Variants in CHD2 observed in about 807,000 individuals in gnomAD.
The protein encoded by CHD2 is chromodomain helicase DNA binding protein 2.
A neutral mutation model predicts 243.9 loss-of-function variants in CHD2; 28 were observed. The observed-to-expected ratio is 0.11, with a 90% confidence interval of 0.09 to 0.16. The LOEUF is 0.16. Ranked by LOEUF, CHD2 falls within the 10% of genes least tolerant of loss-of-function variation. The probability of loss-of-function intolerance (pLI) is 1.00; values close to 1 mark genes in which losing one functional copy is unlikely to be tolerated. For missense variants in CHD2, 1,386 were observed against 2,209.8 expected (o/e 0.63, Z 7.47); for synonymous variants, 775 against 779.0 (o/e 0.99, Z 0.09).
chr15:92,943,403 T>G (rs1308784243), intron 9 of CHD2: 1 of 289,530 alleles, frequency 3.5e-6, no homozygotes, highest in East Asian at 9.1e-5. Flanking sequence ...TGGACTCAGG[T>G]TTTGAATTCT....
intron 16 of CHD2, among the ~76,000 whole-genome samples, chr15:92,959,553 G>A (rs531528201): frequency 5.9e-5 from 9 of 152,164 alleles, no homozygotes; most frequent in East Asian, 1.9e-4. Flanking sequence ...GGGAAGTGGC[G>A]CAATCTCAGC....
Position 92,997,072 on chromosome 15 carries a change from T to A in CHD2, c.3711T>A (p.Pro1237=), listed in dbSNP as rs139131897. The A allele has an allele frequency of 6.2e-7, 1 of 1,610,146 alleles. No homozygotes were observed. Among genetic ancestry groups the A allele is most frequent in the East Asian group, 2.2e-5 (1 of 44,856 alleles). The stretch of plus-strand genomic sequence containing the variant: ...TTGAGATGCTGCATAAATCTATCCC[T>A]GTGGACCCTGAAGAAAAAAAAAAGT... ...EEFEMLHKSI[P]VDPEEKKKYC... The change falls in exon 29 of 39, where the codon CCT becomes CCA. Residue 1237 remains proline, a synonymous_variant. Coordinates refer to ENST00000394196, the MANE Select transcript of CHD2 (RefSeq NM_001271.4). This position sits in a 1 kb window ranked among gnomAD's most constrained non-coding sequence, Gnocchi z 4.1.
chr15:92,949,141 A>T (rs952698167), intron 13 of CHD2, 65 bp downstream of exon 13: 3 of 1,579,462 alleles, frequency 1.9e-6, no homozygotes, highest in Non-Finnish European at 2.6e-6. Context: ...TTAGATGTCA[A>T]GAATTTTTTT....
intron 10 of CHD2, 62 bp downstream of exon 10, chr15:92,944,577 T>G: frequency 1.2e-6 from 1 of 807,992 alleles, no homozygotes; most frequent in Non-Finnish European, 1.9e-6. Flanking sequence ...CTTTTGCTTT[T>G]GGAAGTAATG....
intron 5 of CHD2, among the ~76,000 whole-genome samples, chr15:92,937,042 A>G (rs1348965079): frequency 6.6e-6 from 1 of 151,882 alleles, no homozygotes; most frequent in Admixed American, 6.6e-5. Context: ...TTTAACTTTA[A>G]TTTTTCTGGA....
intron 13 of CHD2, among the ~76,000 whole-genome samples, chr15:92,951,413 T>A (rs2053552964): frequency 6.6e-6 from 1 of 152,042 alleles, no homozygotes. Context: ...TCAAGTGATC[T>A]GCCTGCCTTG....
intron 33 of CHD2, among the ~76,000 whole-genome samples, chr15:93,003,074 A>AT (rs1215654490): frequency 4.0e-5 from 6 of 151,856 alleles, no homozygotes; most frequent in African/African-American, 1.4e-4. Context: ...TGTTAAAGTC[A>AT]TTTTTACAGC....
intron 13 of CHD2, among the ~76,000 whole-genome samples, chr15:92,950,643 A>G (rs2053541451): frequency 6.6e-6 from 1 of 152,036 alleles, no homozygotes; most frequent in African/African-American, 2.4e-5. Context: ...AGTCTCAGCT[A>G]CTTGGGGGCT....
intron 33 of CHD2, 138 bp from the exon 34 acceptor site, chr15:93,004,479 G>T: frequency 1.3e-6 from 1 of 767,936 alleles, no homozygotes. Context: ...GATGTTTCAG[G>T]ATTTTATTTT....
intron 5 of CHD2, among the ~76,000 whole-genome samples, chr15:92,930,365 G>GT (rs917300056): frequency 9.2e-5 from 14 of 152,070 alleles, no homozygotes; most frequent in Admixed American, 2.0e-4. Flanking sequence ...AGAAGCCAGC[G>GT]TTTTTTTCAG....
intron 28 of CHD2, 131 bp from the exon 29 acceptor site, chr15:92,996,826 T>C (rs2054194497): frequency 1.1e-6 from 1 of 874,532 alleles, no homozygotes; most frequent in South Asian, 2.2e-5. Flanking sequence ...GTCTTATAGA[T>C]TATATCTTCA....
rs1371390 is a variant in CHD2, at chr15:92,953,644, C to T, written c.1719+71C>T. On this transcript the variant is annotated intron_variant, in intron 14 of 38. Coordinates refer to ENST00000394196, the MANE Select transcript of CHD2 (RefSeq NM_001271.4). ...AATTTAGAAATTCACTTAAAGCCTT[C>T]AGTAGATCATCAGTAAAATTTGTGG... is the stretch of plus-strand genomic sequence containing the variant. 0.8 allele frequency: 1,124,406 copies of T among 1,409,694 alleles called. 451,795 individuals carry two copies. Among genetic ancestry groups the T allele is most frequent in the East Asian group, 0.97 (42,393 of 43,682 alleles). 87.3% of individuals were successfully genotyped at this position (1,409,694 alleles called of 1,614,324 possible).
At chr15:93,015,270 G>C (rs1241227097) in intron 37 of CHD2, among the ~76,000 whole-genome samples, 1 of 152,222 alleles carries the variant, frequency 6.6e-6, no homozygotes, top group South Asian at 2.1e-4. Flanking sequence ...GTAGAGACAG[G>C]GTTTTGCCAT....
At position 92,943,054 on chromosome 15, in the gene CHD2, C is replaced by T. The variant is rs148706063; in HGVS notation, c.1038C>T (p.Asp346=). The T allele has an allele frequency of 6.9e-5, 111 of 1,610,554 alleles. No homozygotes were observed. Among genetic ancestry groups the T allele is most frequent in the Non-Finnish European group, 8.2e-5 (97 of 1,177,298 alleles). ...KKLENFKKKE[D]EIKQWLGKVS... is the part of the protein sequence containing the mutation. ...TAGAGAACTTCAAGAAAAAAGAGGA[C>T]GAAATCAAACAATGGTATATTTTCC... The change falls in exon 9 of 39, where the codon GAC becomes GAT. Residue 346 remains aspartate (D), a synonymous_variant. Coordinates refer to ENST00000394196, the MANE Select transcript of CHD2 (RefSeq NM_001271.4).
At chr15:92,940,479 GAT>G (rs1296695117) in intron 7 of CHD2, among the ~76,000 whole-genome samples, 1 of 151,736 alleles carries the variant, frequency 6.6e-6, no homozygotes, top group African/African-American at 2.4e-5. Flanking sequence ...TAAAGGAACA[GAT>G]ATATGCAAAC....
At chr15:92,982,384 A>G (rs2141848256) in intron 24 of CHD2, among the ~76,000 whole-genome samples, 1 of 152,342 alleles carries the variant, frequency 6.6e-6, no homozygotes, top group East Asian at 1.9e-4. Context: ...GGAACCTGAT[A>G]GGGAGTCAGC....
Position 92,929,020 on chromosome 15 carries a change from C to T in CHD2, c.382-10C>T. 1 of 1,610,670 alleles carries T rather than the reference C, an allele frequency of 6.2e-7. No homozygotes were observed. On this transcript the variant is annotated splice_polypyrimidine_tract_variant and intron_variant, in intron 4 of 38. Coordinates refer to ENST00000394196, the MANE Select transcript of CHD2 (RefSeq NM_001271.4). ...GTCTGTAATCATTTTTCCCCCCTCACACACTGAAGGCAAGTAGCGGGTCTG... is the reference window on the plus strand; with the variant it reads ...GTCTGTAATCATTTTTCCCCCCTCATACACTGAAGGCAAGTAGCGGGTCTG...
intron 16 of CHD2, among the ~76,000 whole-genome samples, chr15:92,963,273 C>G: frequency 6.6e-6 from 1 of 152,148 alleles, no homozygotes; most frequent in East Asian, 1.9e-4. Flanking sequence ...TTATTGCCCT[C>G]TTCTGTTTCA....
Position 92,901,314 on chromosome 15 carries a change from C to T in CHD2, c.62+15C>T. 1 of 1,568,352 alleles carries T rather than the reference C, an allele frequency of 6.4e-7. No individual in the cohort carries two copies. The highest frequency in any genetic ancestry group is 8.8e-7 in the Non-Finnish European group (1 of 1,142,120). On this transcript the variant is annotated intron_variant, in intron 2 of 38. Coordinates refer to ENST00000394196, the MANE Select transcript of CHD2 (RefSeq NM_001271.4). ...AATGCATCGAGGTATGAGCTATCAA[C>T]TTTCTTCCTTTTTGTCTTTTTTTTT...
Sources: gnomAD v4.1 joint callset for allele counts (sites outside exome capture counted in the v4.1 genomes callset) on GRCh38, gnomAD v4.1.1 for gene constraint, Gnocchi (gnomAD v3.1) non-coding constraint, MANE v1.5 for transcripts, NCBI Gene and HGNC (gene_info 2026-07-23, HGNC 2026-07-21) for gene names.